Variants in NEBL observed in about 807,000 individuals in gnomAD.
The protein encoded by NEBL is nebulette, also known as LIM and SH3 protein 2.
Under a neutral mutation model 140.2 loss-of-function variants are expected in NEBL, and 122 were observed. The ratio of observed to expected loss-of-function variants is 0.87; its 90% CI spans 0.75 to 1.01. The LOEUF (loss-of-function observed/expected upper bound fraction) is 1.01, where lower values mean the gene tolerates loss of function less well. Ranked by LOEUF, NEBL falls within the 50% of genes least tolerant of loss-of-function variation. The pLI, the probability that NEBL is intolerant of heterozygous loss-of-function variation, is 0.00. For synonymous variants in NEBL, 436 were observed against 398.9 expected (o/e 1.09, Z -1.11); for missense variants, 1,365 against 1,231.3 (o/e 1.11, Z -1.62).
chr10:21,034,311 A>T (rs623551), intron 2 of NEBL, among the ~76,000 whole-genome samples: 92,299 of 151,870 alleles, frequency 0.61, 28,103 homozygotes, highest in East Asian at 0.73. Context: ...TGGAAAACTA[A>T]TAATTAACAA....
chr10:21,159,777 C>T (rs1263753578), intron 2 of NEBL, among the ~76,000 whole-genome samples: 1 of 152,196 alleles, frequency 6.6e-6, no homozygotes, highest in Non-Finnish European at 1.5e-5. Flanking sequence ...ACATGTTTCT[C>T]TTTTAGCATA....
Position 21,254,805 on chromosome 10 carries a change from GGACTTCACA to G in NEBL, n.183-2986_183-2978del, listed in dbSNP as rs1457835825. On this transcript the variant is annotated intron_variant and non_coding_transcript_variant, in intron 1 of 8. Transcript: ENST00000675702. ...CTGCACCCACTAGGGGCCCCTGTCT[GGACTTCACA>G]TACCCTGCCCATGACTGCCTGACCC... Among the ~76,000 whole-genome samples, 6 of 152,134 alleles carry G rather than the reference GGACTTCACA, an allele frequency of 3.9e-5. 1 individual carries two copies. The East Asian group carries it at 1.2e-3, about 30-fold the overall frequency.
intron 2 of NEBL, among the ~76,000 whole-genome samples, chr10:21,086,201 C>T (rs182745991): frequency 1.3e-5 from 2 of 152,262 alleles, no homozygotes; most frequent in Non-Finnish European, 2.9e-5. Context: ...CATTTAGGCC[C>T]ACATGAAATA....
intron 3 of NEBL, among the ~76,000 whole-genome samples, chr10:20,972,637 C>T (rs932011903): frequency 6.6e-6 from 1 of 152,030 alleles, no homozygotes; most frequent in Non-Finnish European, 1.5e-5. Context: ...GTCTCAGCTA[C>T]TCGGGAGGCT....
At chr10:21,226,603 G>A (rs1028610275) in intron 3 of NEBL, among the ~76,000 whole-genome samples, 5 of 152,144 alleles carry the variant, frequency 3.3e-5, no homozygotes, top group Admixed American at 6.5e-5. Flanking sequence ...TGCTCCCTCC[G>A]TGGTCACTGA....
chr10:20,897,230 T>G lies in NEBL; in HGVS notation c.-25A>C, dbSNP rs553117491. Reference sequence around the variant, plus strand: ...TTTTTACCCTTTAAAATATTTATATTTTTAAAATTTACTCATGTGGCGTCC... The same window carrying G: ...TTTTTACCCTTTAAAATATTTATATGTTTAAAATTTACTCATGTGGCGTCC... On this transcript the variant is annotated 5_prime_UTR_variant, in exon 1 of 28. Transcript: ENST00000377122. The G allele has an allele frequency of 6.5e-7, 1 of 1,540,154 alleles. No individual in the cohort carries two copies. The highest frequency in any genetic ancestry group is 2.0e-5 in the Admixed American group (1 of 50,466).
intron 2 of NEBL, among the ~76,000 whole-genome samples, chr10:21,027,333 T>C (rs1191311552): frequency 6.6e-6 from 1 of 151,036 alleles, no homozygotes; most frequent in African/African-American, 2.4e-5. Context: ...TTTGTTTTTT[T>C]TTTTTTAATT....
intron 3 of NEBL, among the ~76,000 whole-genome samples, chr10:21,227,787 CTTCTT>C (rs1842189423): frequency 7.3e-6 from 1 of 137,734 alleles, no homozygotes; most frequent in Non-Finnish European, 1.6e-5. Context: ...TCTTCTTTCT[CTTCTT>C]TCTTCTTCTT....
At chr10:21,179,962 C>A (rs1179590420) in intron 3 of NEBL, among the ~76,000 whole-genome samples, 1 of 151,910 alleles carries the variant, frequency 6.6e-6, no homozygotes, top group African/African-American at 2.4e-5. Flanking sequence ...CATGATGAAA[C>A]CCCATCTTTA....
Position 20,980,061 on chromosome 10 carries a change from AAAAC to A in NEBL, c.250-18286_250-18283del, listed in dbSNP as rs1457463274. Among the ~76,000 whole-genome samples, 149 of 151,066 alleles carry A rather than the reference AAAAC, an allele frequency of 9.9e-4. 1 individual carries two copies. The highest frequency in any genetic ancestry group is 3.5e-3 in the African/African-American group (146 of 41,394). ...AGTGTCTCATTTCCACAAAAAAAAA[AAAAC>A]AAACCATAAAATTCACCATGAGATG... On this transcript the variant is annotated intron_variant, in intron 3 of 6. Transcript: ENST00000417816.
chr10:21,231,829 A>G (rs1016533676), intron 3 of NEBL, among the ~76,000 whole-genome samples: 10 of 152,092 alleles, frequency 6.6e-5, no homozygotes, highest in Non-Finnish European at 1.2e-4. Context: ...TACGCCCTCC[A>G]ACCATGGAAC....
chr10:21,179,671 C>G (rs750561910), upstream of NEBL, among the ~76,000 whole-genome samples: 5 of 151,746 alleles, frequency 3.3e-5, no homozygotes, highest in East Asian at 7.7e-4. Context: ...ATCTGTTGGT[C>G]CTATAACACT....
At chr10:21,012,996 A>C (rs1838405879) in intron 3 of NEBL, among the ~76,000 whole-genome samples, 1 of 152,188 alleles carries the variant, frequency 6.6e-6, no homozygotes, top group Admixed American at 6.5e-5. Flanking sequence ...AGCAGTGCAC[A>C]AAAATCAAAA....
chr10:21,084,568 G>T (rs1053696700), intron 2 of NEBL, among the ~76,000 whole-genome samples: 7 of 151,878 alleles, frequency 4.6e-5, no homozygotes, highest in African/African-American at 1.5e-4. Flanking sequence ...CTGCACTGCA[G>T]CCTGGGTGAC....
chr10:21,289,789 A>G (rs1031469116), intron 1 of NEBL, among the ~76,000 whole-genome samples: 1 of 152,214 alleles, frequency 6.6e-6, no homozygotes, highest in African/African-American at 2.4e-5. Flanking sequence ...TTCTGAGGCT[A>G]GATAGTGGGT....
intron 12 of NEBL, among the ~76,000 whole-genome samples, chr10:20,844,220 A>G (rs1176661162): frequency 6.6e-6 from 1 of 152,094 alleles, no homozygotes; most frequent in Non-Finnish European, 1.5e-5. Flanking sequence ...GTTCATGATG[A>G]TGTGCTCCTA....
Position 20,802,750 on chromosome 10 carries a change from C to T in NEBL, c.2761+5760G>A, listed in dbSNP as rs149511519. 3.7e-3 allele frequency among the ~76,000 whole-genome samples: 567 copies of T among 152,170 alleles called. 2 individuals are homozygous for T. The highest frequency in any genetic ancestry group is 6.0e-3 in the Admixed American group (92 of 15,284). ...TTTGTCCTAACAATCAGAACTTACT[C>T]GAAAGAAGGAACGAAAACTGTGACT... is the stretch of plus-strand genomic sequence containing the variant. On this transcript the variant is annotated intron_variant, in intron 26 of 27. Coordinates refer to ENST00000377122, the MANE Select transcript of NEBL (RefSeq NM_006393.3).
chr10:21,037,919 T>C (rs1327292730), intron 2 of NEBL, among the ~76,000 whole-genome samples: 3 of 152,162 alleles, frequency 2.0e-5, no homozygotes, highest in Admixed American at 2.0e-4. Flanking sequence ...CATTTGCATC[T>C]TCACCTCTGA....
chr10:21,134,211 G>A (rs902556257), intron 2 of NEBL, among the ~76,000 whole-genome samples: 6 of 151,174 alleles, frequency 4.0e-5, no homozygotes, highest in Admixed American at 6.6e-5. Flanking sequence ...GGGCAACAGA[G>A]TGAGACTCCA....
Sources: allele counts gnomAD v4.1 joint callset (sites outside exome capture counted in the v4.1 genomes callset), GRCh38; gene constraint gnomAD v4.1.1; transcripts MANE v1.5; gene names NCBI Gene and HGNC (gene_info 2026-07-23, HGNC 2026-07-21).